The following MYO16 variants were observed in gnomAD, a reference collection of about 807,000 sequenced individuals.
MYO16 encodes the protein unconventional myosin-XVI.
Under a neutral mutation model 205.3 loss-of-function variants are expected in MYO16, and 94 were observed. The observed-to-expected ratio is 0.46, with a 90% CI of 0.39 to 0.54. The LOEUF (loss-of-function observed/expected upper bound fraction) is 0.54. Among genes scored for constraint, MYO16 ranks in the 20% least tolerant of loss-of-function variants. The pLI, the probability that MYO16 is intolerant of heterozygous loss-of-function variation, is 0.00. For missense variants in MYO16, 2,315 were observed against 2,387.5 expected (o/e 0.97, Z 0.63); for synonymous variants, 988 against 954.0 (o/e 1.04, Z -0.66).
intron 20 of MYO16, among the ~76,000 whole-genome samples, chr13:108,990,183 C>CAT (rs1555321051): frequency 1.4e-5 from 2 of 144,686 alleles, no homozygotes; most frequent in African/African-American, 5.2e-5. Flanking sequence ...CACACACACA[C>CAT]GACCAAAACA....
chr13:108,613,554 A>G (rs1879249923), intron 1 of MYO16, among the ~76,000 whole-genome samples: 2 of 152,160 alleles, frequency 1.3e-5, no homozygotes, highest in Non-Finnish European at 1.5e-5. Context: ...AAGACATTCC[A>G]TAGAAACTCC....
chr13:108,625,864 G>A (rs1879715892), upstream of MYO16, among the ~76,000 whole-genome samples: 1 of 152,156 alleles, frequency 6.6e-6, no homozygotes, highest in Admixed American at 6.5e-5. Context: ...AATAAAGCAT[G>A]TCAATGCAGG....
At chr13:109,037,281 G>A (rs188953998) in intron 23 of MYO16, among the ~76,000 whole-genome samples, 4 of 152,186 alleles carry the variant, frequency 2.6e-5, no homozygotes, top group Admixed American at 6.5e-5. Context: ...AGCTGGAGGC[G>A]GCGGCCCTCA....
In MYO16 at chr13:108,820,405, G is replaced by T; in HGVS notation, c.936G>T (p.Lys312Asn). The T allele has an allele frequency of 6.2e-7, 1 of 1,605,046 alleles. No homozygotes were observed. Among genetic ancestry groups the T allele is most frequent in the East Asian group, 2.3e-5 (1 of 44,098 alleles). The change falls in exon 8 of 35, where the codon AAG becomes AAT. Residue 312 changes from lysine to asparagine, a missense_variant. Around this residue, in one of 3 missense-constraint regions of MYO16, gnomAD observed 1,213 missense variants for 1,274.4 expected, o/e 0.95. Coordinates refer to ENST00000457511, the MANE Select transcript of MYO16 (RefSeq NM_001198950.3). ...NPHLVNCNEEKASDIAASEFI... is the reference protein window; with the variant it reads ...NPHLVNCNEENASDIAASEFI... ...ACCTCGTGAACTGTAATGAGGAGAAGGCGTCAGGTAGGTTAGGAGCATCCT... is the reference window on the plus strand; with the variant it reads ...ACCTCGTGAACTGTAATGAGGAGAATGCGTCAGGTAGGTTAGGAGCATCCT...
intron 5 of MYO16, among the ~76,000 whole-genome samples, chr13:108,787,813 C>T (rs1251430934): frequency 3.4e-4 from 52 of 152,238 alleles, no homozygotes; most frequent in Admixed American, 3.4e-3. Context: ...TTTGTCACTG[C>T]AGTCGCTCTG....
chr13:108,654,072 T>A (rs1344293777), intron 1 of MYO16, among the ~76,000 whole-genome samples: 1 of 151,780 alleles, frequency 6.6e-6, no homozygotes, highest in African/African-American at 2.4e-5. Flanking sequence ...CTTGTGTAGG[T>A]CTCTCAGTGA....
At chr13:109,013,114 A>ACCC (rs1181676669) in intron 22 of MYO16, among the ~76,000 whole-genome samples, 6,009 of 54,690 alleles carry the variant, frequency 0.11, 423 homozygotes, top group East Asian at 0.28. Context: ...CCCCTCCCCC[A>ACCC]CCCCCCCCCA....
chr13:108,753,238 CGG>C (rs1885300615), intron 4 of MYO16, among the ~76,000 whole-genome samples: 1 of 151,634 alleles, frequency 6.6e-6, no homozygotes, highest in African/African-American at 2.4e-5. Flanking sequence ...GGTGTGTTGG[CGG>C]GCGCCTGTAA....
chr13:108,674,558 A>C (rs1177422941), intron 2 of MYO16, among the ~76,000 whole-genome samples: 1 of 152,198 alleles, frequency 6.6e-6, no homozygotes, highest in Non-Finnish European at 1.5e-5. Context: ...TGGCAGTTTG[A>C]AAATGCGATG....
chr13:108,538,876 T>G, the MYO16 span, among the ~76,000 whole-genome samples: 2 of 152,126 alleles, frequency 1.3e-5, no homozygotes, highest in East Asian at 3.9e-4. Flanking sequence ...ATCTGGCCAC[T>G]GGTGTCTGTA....
chr13:109,078,970 T>G (rs1485549234), intron 27 of MYO16, among the ~76,000 whole-genome samples: 4 of 152,210 alleles, frequency 2.6e-5, no homozygotes, highest in Admixed American at 2.0e-4. Context: ...ATCTGTGTTC[T>G]GCTTATGACT....
At chr13:108,821,533 A>C (rs1875970281) in intron 8 of MYO16, among the ~76,000 whole-genome samples, 1 of 152,210 alleles carries the variant, frequency 6.6e-6, no homozygotes, top group Non-Finnish European at 1.5e-5. Flanking sequence ...GTTTACTGTG[A>C]GTACAAGTCA....
At position 108,821,530 on chromosome 13, in the gene MYO16, G is replaced by A. The variant is rs116597293; in HGVS notation, c.943+1118G>A. On this transcript the variant is annotated intron_variant, in intron 8 of 34. Transcript: ENST00000457511. ...TTTTCTTTTTAAAAACGTGTTTACT[G>A]TGAGTACAAGTCACATCCTCGGCTA... Among the ~76,000 whole-genome samples the A allele has an allele frequency of 3.6e-3, 546 of 152,262 alleles. 2 individuals are homozygous for A. The highest frequency in any genetic ancestry group is 0.013 in the African/African-American group (529 of 41,544).
intron 24 of MYO16, 70 bp from the exon 25 acceptor site, chr13:109,052,230 T>C: frequency 7.3e-7 from 1 of 1,373,592 alleles, no homozygotes; most frequent in South Asian, 1.2e-5. Flanking sequence ...AGCTCTTGTA[T>C]GAAGAATAAG....
chr13:108,985,159 A>G (rs1332099157), intron 20 of MYO16, among the ~76,000 whole-genome samples: 1 of 152,222 alleles, frequency 6.6e-6, no homozygotes, highest in Non-Finnish European at 1.5e-5. Context: ...GATGCAGAAT[A>G]ATAGAGTTGG....
chr13:108,955,939 C>T (rs575334320), intron 16 of MYO16, among the ~76,000 whole-genome samples: 15 of 152,168 alleles, frequency 9.9e-5, no homozygotes, highest in Admixed American at 2.0e-4. Flanking sequence ...GTCCTGGACA[C>T]GCCATTCTTT....
At chr13:108,641,983 T>A (rs2139380174) in intron 1 of MYO16, among the ~76,000 whole-genome samples, 1 of 152,304 alleles carries the variant, frequency 6.6e-6, no homozygotes, top group East Asian at 1.9e-4. Flanking sequence ...CTGCTACTTA[T>A]GGGACCACAG....
At chr13:108,519,663 A>ACACACACC in the MYO16 span, among the ~76,000 whole-genome samples, 2 of 150,906 alleles carry the variant, frequency 1.3e-5, no homozygotes, top group African/African-American at 4.9e-5. Context: ...ACACACACAC[A>ACACACACC]CCCCACCAGA....
intron 16 of MYO16, among the ~76,000 whole-genome samples, chr13:108,952,223 A>G (rs968717542): frequency 6.6e-5 from 10 of 152,194 alleles, no homozygotes; most frequent in South Asian, 2.1e-4. Context: ...CCAAATTTCT[A>G]CAGTGTTTTT....
Sources: gnomAD v4.1 joint callset for allele counts (sites outside exome capture counted in the v4.1 genomes callset) on GRCh38, gnomAD v4.1.1 for gene constraint, gnomAD v4.1.1 regional missense constraint, MANE v1.5 for transcripts, NCBI Gene and HGNC (gene_info 2026-07-23, HGNC 2026-07-21) for gene names.